The following NKAIN3 variants were observed in gnomAD, a reference collection of about 807,000 sequenced individuals.
NKAIN3 encodes sodium/potassium transporting ATPase interacting 3.
In NKAIN3, 25 loss-of-function variants were observed where a neutral mutation model predicts 30.2. The observed-to-expected ratio is 0.83, with a 90% CI of 0.60 to 1.16. The LOEUF (loss-of-function observed/expected upper bound fraction) is 1.16, where lower values mean the gene tolerates loss of function less well. NKAIN3 is among the 50% of genes most tolerant of loss of function. The pLI is 0.00. For missense variants in NKAIN3, 225 were observed against 254.1 expected (o/e 0.89, Z 0.78); for synonymous variants, 91 against 89.6 (o/e 1.02, Z -0.09).
chr8:62,353,737 AT>A (rs144574653), intron 1 of NKAIN3, among the ~76,000 whole-genome samples: 1 of 152,190 alleles, frequency 6.6e-6, no homozygotes, highest in Non-Finnish European at 1.5e-5. Context: ...CTTATAGAGA[AT>A]TTTTTGTCAA....
intron 4 of NKAIN3, among the ~76,000 whole-genome samples, chr8:62,876,707 T>C (rs1182726642): frequency 6.6e-6 from 1 of 151,698 alleles, no homozygotes; most frequent in Non-Finnish European, 1.5e-5. Context: ...GCAAACTAAC[T>C]CAGGAACAGA....
At chr8:62,951,471 C>T (rs550176280) in intron 5 of NKAIN3, among the ~76,000 whole-genome samples, 10 of 152,158 alleles carry the variant, frequency 6.6e-5, no homozygotes, top group East Asian at 3.9e-4. Context: ...CTTTGTTTTG[C>T]GGAAAGGATC....
At chr8:62,555,011 TACACACACACACACACACAC>T (rs59610407) in intron 1 of NKAIN3, among the ~76,000 whole-genome samples, 7 of 144,934 alleles carry the variant, frequency 4.8e-5, no homozygotes, top group East Asian at 4.2e-4. Context: ...GCAGAATCTA[TACACACACACACACACACAC>T]ACACACACAC....
chr8:62,891,092 G>A (rs1184781594), intron 4 of NKAIN3, among the ~76,000 whole-genome samples: 1 of 152,180 alleles, frequency 6.6e-6, no homozygotes, highest in African/African-American at 2.4e-5. Context: ...GCAAAGTATT[G>A]TTCCTGGGTA....
At chr8:62,446,078 G>C (rs886651426) in intron 1 of NKAIN3, among the ~76,000 whole-genome samples, 6 of 152,108 alleles carry the variant, frequency 3.9e-5, no homozygotes, top group African/African-American at 1.4e-4. Flanking sequence ...AACATCTTCT[G>C]TTCTAACTTG....
chr8:62,431,793 A>T (rs1805007938), intron 1 of NKAIN3, among the ~76,000 whole-genome samples: 1 of 151,570 alleles, frequency 6.6e-6, no homozygotes, highest in Admixed American at 6.6e-5. Context: ...AGAACTGTAA[A>T]AGTTCCTTAG....
At chr8:62,477,579 G>T (rs1348943051) in intron 1 of NKAIN3, among the ~76,000 whole-genome samples, 4 of 152,128 alleles carry the variant, frequency 2.6e-5, no homozygotes, top group African/African-American at 9.7e-5. Context: ...GCTTCCTTGG[G>T]TGATAGAAAT....
chr8:62,636,149 T>C (rs1479444347), intron 3 of NKAIN3, among the ~76,000 whole-genome samples: 1 of 152,192 alleles, frequency 6.6e-6, no homozygotes, highest in East Asian at 1.9e-4. Flanking sequence ...CAAAAATAGA[T>C]TGAAGTTGAG....
At chr8:62,271,065 A>G (rs1458092120) in intron 1 of NKAIN3, among the ~76,000 whole-genome samples, 2 of 152,230 alleles carry the variant, frequency 1.3e-5, no homozygotes, top group African/African-American at 4.8e-5. Context: ...ATAAGAAAAA[A>G]CATCCAAAAT....
intron 1 of NKAIN3, among the ~76,000 whole-genome samples, chr8:62,327,097 A>C (rs908778359): frequency 6.6e-6 from 1 of 151,824 alleles, no homozygotes; most frequent in Non-Finnish European, 1.5e-5. Flanking sequence ...TCATGTGCTT[A>C]TTGGCCATTC....
In NKAIN3 at chr8:62,856,800, A is replaced by G. The variant is rs1586275007; in HGVS notation, c.472-61653A>G. The G allele has an allele frequency of 3.7e-5, 23 of 627,076 alleles. No individual in the cohort carries two copies. In the East Asian group the frequency reaches 6.9e-4, roughly 19 times the overall value. 38.8% of individuals were successfully genotyped at this position (627,076 alleles called of 1,614,324 possible). A position where few individuals can be genotyped will look rare whatever the true frequency, so the allele number is the denominator to read the frequency against. The stretch of plus-strand genomic sequence containing the variant: ...CTGTAAGATGTAAATATTTCACTGA[A>G]TCTTTGTCTTTCTCTGCACTATAGA... On this transcript the variant is annotated intron_variant, in intron 4 of 6. Coordinates refer to ENST00000623646, the MANE Select transcript of NKAIN3 (RefSeq NM_001304533.3).
chr8:62,955,546 C>T (rs1823398156), intron 6 of NKAIN3, among the ~76,000 whole-genome samples: 1 of 151,320 alleles, frequency 6.6e-6, no homozygotes, highest in Non-Finnish European at 1.5e-5. Context: ...AAAAAAAAAA[C>T]TCAGCAGAGA....
chr8:62,518,668 T>C (rs1223382331), intron 1 of NKAIN3, among the ~76,000 whole-genome samples: 1 of 152,132 alleles, frequency 6.6e-6, no homozygotes, highest in East Asian at 1.9e-4. Flanking sequence ...TTAAAAATTG[T>C]TTTTTCCTAA....
downstream of NKAIN3, among the ~76,000 whole-genome samples, chr8:62,985,696 C>T (rs1585645968): frequency 6.6e-6 from 1 of 151,892 alleles, no homozygotes; most frequent in East Asian, 1.9e-4. Context: ...TTCCCAAAAA[C>T]AGTGAGTGAA....
At chr8:62,543,817 A>G (rs984762426) in intron 1 of NKAIN3, among the ~76,000 whole-genome samples, 2 of 152,162 alleles carry the variant, frequency 1.3e-5, no homozygotes, top group African/African-American at 4.8e-5. Context: ...GTAAAATATA[A>G]CTGTTATGCT....
intron 4 of NKAIN3, among the ~76,000 whole-genome samples, chr8:62,767,115 C>T (rs1372424276): frequency 6.6e-6 from 1 of 152,148 alleles, no homozygotes; most frequent in South Asian, 2.1e-4. Flanking sequence ...TAGAGAGCTA[C>T]ACACTTAATT....
intron 5 of NKAIN3, among the ~76,000 whole-genome samples, chr8:62,944,129 C>A (rs986820629): frequency 6.6e-6 from 1 of 151,968 alleles, no homozygotes; most frequent in Non-Finnish European, 1.5e-5. Context: ...TGTAACCAAA[C>A]GCCACCTGTT....
intron 4 of NKAIN3, among the ~76,000 whole-genome samples, chr8:62,821,657 G>A (rs1229883211): frequency 1.3e-5 from 2 of 152,066 alleles, no homozygotes; most frequent in African/African-American, 4.8e-5. Flanking sequence ...TATGTGTCCT[G>A]ATCTACATCT....
At chr8:62,452,395 G>A (rs1805667836) in intron 1 of NKAIN3, among the ~76,000 whole-genome samples, 2 of 152,170 alleles carry the variant, frequency 1.3e-5, no homozygotes. Flanking sequence ...AGAATCACTT[G>A]AATCTGGGAG....
Sources: allele counts gnomAD v4.1 joint callset (sites outside exome capture counted in the v4.1 genomes callset), GRCh38; gene constraint gnomAD v4.1.1; transcripts MANE v1.5; gene names NCBI Gene and HGNC (gene_info 2026-07-23, HGNC 2026-07-21).